Variants in PTPRD observed in about 807,000 individuals in gnomAD.
PTPRD encodes the protein receptor-type tyrosine-protein phosphatase delta.
PTPRD carries 34 observed loss-of-function variants against 214.5 expected under a neutral mutation model. The observed-to-expected ratio is 0.16, with a 90% CI of 0.12 to 0.21. The LOEUF (loss-of-function observed/expected upper bound fraction) is 0.21, where lower values mean the gene tolerates loss of function less well. Among genes scored for constraint, PTPRD ranks in the 10% least tolerant of loss-of-function variants. The probability of loss-of-function intolerance (pLI) is 1.00; values close to 1 mark genes in which losing one functional copy is unlikely to be tolerated. For missense variants in PTPRD, 2,545 were observed against 2,398.7 expected, an observed-to-expected ratio of 1.06 and a Z score of -1.27; for synonymous variants, 1,128 against 845.7, an observed-to-expected ratio of 1.33 and a Z score of -5.79.
intron 11 of PTPRD, among the ~76,000 whole-genome samples, chr9:8,737,070 G>A (rs982900759): frequency 1.3e-5 from 2 of 152,122 alleles, no homozygotes; most frequent in African/African-American, 2.4e-5. Context: ...TCACAGAGAT[G>A]GAGACCTATG....
At chr9:10,466,689 T>TGAAAATCA (rs539803544) in intron 2 of PTPRD, among the ~76,000 whole-genome samples, 20 of 135,588 alleles carry the variant, frequency 1.5e-4, no homozygotes, top group Non-Finnish European at 8.0e-5. Context: ...AGCTCTAAAG[T>TGAAAATCA]GAAAATCAGA....
chr9:9,913,940 C>T (rs1274655772), intron 5 of PTPRD, among the ~76,000 whole-genome samples: 1 of 152,188 alleles, frequency 6.6e-6, no homozygotes, highest in Non-Finnish European at 1.5e-5. Context: ...AGGGCACCAT[C>T]TTCATTATGA....
Position 8,529,965 on chromosome 9 carries a change from A to C in PTPRD, c.353-1186T>G, listed in dbSNP as rs537685109. 3.3e-5 allele frequency among the ~76,000 whole-genome samples: 5 copies of C among 152,202 alleles called. No homozygotes were observed. In the South Asian group the frequency reaches 8.3e-4, roughly 25 times the overall value. ...ATTTAATCAATACCCCCTCACGGCC[A>C]CTGATAAATTTTCATAAGCCACCAA... On this transcript the variant is annotated intron_variant, in intron 14 of 45. Transcript: ENST00000381196.
intron 8 of PTPRD, among the ~76,000 whole-genome samples, chr9:9,484,436 A>C (rs1479271378): frequency 6.6e-6 from 1 of 152,194 alleles, no homozygotes; most frequent in African/African-American, 2.4e-5. Context: ...CTTCCTGGGC[A>C]TATGAAAATG....
chr9:10,000,630 G>A (rs957156190), intron 4 of PTPRD, among the ~76,000 whole-genome samples: 1 of 152,194 alleles, frequency 6.6e-6, no homozygotes, highest in Non-Finnish European at 1.5e-5. Context: ...GAGGGTAAAA[G>A]TTCTTGATAA....
chr9:9,951,783 C>T (rs751713180), intron 4 of PTPRD, among the ~76,000 whole-genome samples: 3 of 152,174 alleles, frequency 2.0e-5, no homozygotes, highest in Non-Finnish European at 4.4e-5. Flanking sequence ...AAAGGTAGTG[C>T]CTAGCCAGTA....
intron 4 of PTPRD, among the ~76,000 whole-genome samples, chr9:9,964,537 A>T (rs2094560169): frequency 6.6e-6 from 1 of 152,208 alleles, no homozygotes; most frequent in Non-Finnish European, 1.5e-5. Context: ...ATTATGACTC[A>T]GTGGAAACGG....
At chr9:9,431,022 G>A (rs543579669) in intron 8 of PTPRD, among the ~76,000 whole-genome samples, 250 of 152,230 alleles carry the variant, frequency 1.6e-3, no homozygotes, top group African/African-American at 5.6e-3. Context: ...AACACCAAAA[G>A]CAATGGCAAC....
At chr9:8,929,901 G>GTA (rs1474979093) in intron 11 of PTPRD, among the ~76,000 whole-genome samples, 1 of 88,390 alleles carries the variant, frequency 1.1e-5, no homozygotes, top group African/African-American at 3.6e-5. Context: ...ATATATATGT[G>GTA]TATATATATG....
chr9:9,537,027 T>C (rs2076662103), intron 8 of PTPRD, among the ~76,000 whole-genome samples: 1 of 151,854 alleles, frequency 6.6e-6, no homozygotes, highest in East Asian at 1.9e-4. Context: ...ACCTAATGAC[T>C]CATGTTGCTG....
intron 3 of PTPRD, among the ~76,000 whole-genome samples, chr9:10,125,627 TGTGTG>T (rs2098812960): frequency 7.3e-6 from 1 of 136,138 alleles, no homozygotes; most frequent in Non-Finnish European, 1.6e-5. Context: ...GCTAATTGTG[TGTGTG>T]TGTGTGTGTG....
At chr9:8,815,162 AG>A (rs1294728327) in intron 11 of PTPRD, among the ~76,000 whole-genome samples, 1 of 151,478 alleles carries the variant, frequency 6.6e-6, no homozygotes, top group Admixed American at 6.6e-5. Context: ...ACAGTGAGAG[AG>A]AAATGTGGAA....
At chr9:10,395,073 G>A (rs1179982026) in intron 2 of PTPRD, among the ~76,000 whole-genome samples, 4 of 150,010 alleles carry the variant, frequency 2.7e-5, no homozygotes, top group Admixed American at 2.0e-4. Context: ...GTCTCTTAGT[G>A]AACCTCTATT....
At chr9:10,364,768 C>T (rs2097481690) in intron 2 of PTPRD, among the ~76,000 whole-genome samples, 1 of 151,398 alleles carries the variant, frequency 6.6e-6, no homozygotes, top group Non-Finnish European at 1.5e-5. Context: ...TTAATTTTCA[C>T]TGAGCATATT....
intron 3 of PTPRD, among the ~76,000 whole-genome samples, chr9:10,258,345 T>C (rs2154373817): frequency 6.6e-6 from 1 of 152,218 alleles, no homozygotes; most frequent in Middle Eastern, 3.4e-3. Context: ...ATTAATGTGG[T>C]CTCACCAGGT....
chr9:9,350,269 A>G (rs1377925992), intron 9 of PTPRD, among the ~76,000 whole-genome samples: 1 of 152,130 alleles, frequency 6.6e-6, no homozygotes, highest in Non-Finnish European at 1.5e-5. Flanking sequence ...CCTTTATACA[A>G]TTAGAAAGCT....
At chr9:10,254,019 T>C (rs1168576366) in intron 3 of PTPRD, among the ~76,000 whole-genome samples, 1 of 152,134 alleles carries the variant, frequency 6.6e-6, no homozygotes, top group Non-Finnish European at 1.5e-5. Context: ...TTGAAAATAA[T>C]AACACATTTC....
At chr9:9,419,128 TACACACACACACACACACACAC>T (rs142908778) in intron 8 of PTPRD, among the ~76,000 whole-genome samples, 1 of 139,900 alleles carries the variant, frequency 7.1e-6, no homozygotes, top group Non-Finnish European at 1.6e-5. Context: ...AGGCCCCTTA[TACACACACACACACACACACAC>T]ACACACACAC....
chr9:10,222,368 G>T (rs1171250106), intron 3 of PTPRD, among the ~76,000 whole-genome samples: 1 of 151,976 alleles, frequency 6.6e-6, no homozygotes, highest in African/African-American at 2.4e-5. Context: ...ATTGGCCACT[G>T]TTTCTAAAAC....
Sources: gnomAD v4.1 joint callset for allele counts (sites outside exome capture counted in the v4.1 genomes callset) on GRCh38, gnomAD v4.1.1 for gene constraint, MANE v1.5 for transcripts, NCBI Gene and HGNC (gene_info 2026-07-23, HGNC 2026-07-21) for gene names.